Variants in TRAF5 observed in about 807,000 individuals in gnomAD.
TRAF5 encodes TNF receptor associated factor 5, also known as TNF receptor-associated factor 5.
Under a neutral mutation model 64.5 loss-of-function variants are expected in TRAF5, and 48 were observed. That is an observed-to-expected ratio of 0.74 (90% CI 0.59 to 0.95). TRAF5 has a LOEUF of 0.95. TRAF5 is among the 40% of genes least tolerant of loss of function. TRAF5 has a pLI of 0.00. For missense variants in TRAF5, 545 were observed against 662.8 expected (o/e 0.82, Z 1.95); for synonymous variants, 206 against 240.5 (o/e 0.86, Z 1.33).
rs756621423 is a variant in TRAF5 at position 211,372,403 on chromosome 1, C to A, written c.1375C>A (p.Leu459Met). 1.2e-6 allele frequency: 2 copies of A among 1,614,132 alleles called. No homozygotes were observed. The highest frequency in any genetic ancestry group is 1.7e-6 in the Non-Finnish European group (2 of 1,180,024). The change falls in exon 11 of 11, where the codon CTG becomes ATG. Residue 459 changes from leucine (L) to methionine (M), a missense_variant. Physicochemically the swap from Leu to Met is conservative, Grantham distance 15. Transcript: ENST00000261464. Reference protein sequence around the residue: ...NGDGSGRGSHLSLYFVVMRGE... With the variant: ...NGDGSGRGSHMSLYFVVMRGE... Reference sequence around the variant, plus strand: ...GGATGGGTCAGGGAGGGGGTCACACCTGTCCCTATACTTTGTGGTCATGCG... The same window carrying A: ...GGATGGGTCAGGGAGGGGGTCACACATGTCCCTATACTTTGTGGTCATGCG...
At chr1:211,360,889 C>G in intron 6 of TRAF5, 110 bp downstream of exon 6, 2 of 1,050,966 alleles carry the variant, frequency 1.9e-6, no homozygotes, top group Admixed American at 4.0e-5. Flanking sequence ...GCTTAAATTA[C>G]ACGCATGACC....
At chr1:211,326,713 C>T, upstream of TRAF5, 15 of 986,114 alleles carry the variant, frequency 1.5e-5, no homozygotes, top group Non-Finnish European at 1.8e-5. The surrounding 1 kb of genome is among the most constrained non-coding windows in gnomAD (Gnocchi z 5.0). Flanking sequence ...CGGTCTCAGC[C>T]TCCTCCCGAC....
intron 2 of TRAF5, 64 bp downstream of exon 2, chr1:211,353,521 C>A: frequency 6.7e-7 from 1 of 1,493,906 alleles, no homozygotes. Context: ...CAACTGTGGC[C>A]ACTCAACTGT....
At chr1:211,358,963 T>A (rs2102753721) in intron 4 of TRAF5, 1 of 151,698 alleles carries the variant, frequency 6.6e-6, no homozygotes, top group African/African-American at 2.4e-5. Flanking sequence ...AAAATAAAAT[T>A]TAAATAACTT....
intron 1 of TRAF5, among the ~76,000 whole-genome samples, chr1:211,334,315 T>C (rs942060748): frequency 6.6e-6 from 1 of 152,136 alleles, no homozygotes; most frequent in South Asian, 2.1e-4. Flanking sequence ...GATACCTTCA[T>C]CTAGCACATG....
rs1703596763 is a variant in TRAF5, at chr1:211,373,302, A to C, written c.*600A>C. On this transcript the variant is annotated 3_prime_UTR_variant, in exon 11 of 11. Coordinates refer to ENST00000261464, the MANE Select transcript of TRAF5 (RefSeq NM_001033910.3). ...TGCAAGCACAGTTTTGCAAGGCTGC[A>C]TAAGAACTGGTGAATGGGGTAAGCA... The C allele has an allele frequency of 6.6e-6, 1 of 152,416 alleles. No individual in the cohort carries two copies. The highest frequency in any genetic ancestry group is 1.5e-5 in the Non-Finnish European group (1 of 68,206). 9.4% of individuals were successfully genotyped at this position (152,416 alleles called of 1,614,324 possible). A position where few individuals can be genotyped will look rare whatever the true frequency, so the allele number is the denominator to read the frequency against.
intron 1 of TRAF5, among the ~76,000 whole-genome samples, chr1:211,329,426 C>T (rs551043987): frequency 6.6e-6 from 1 of 152,296 alleles, no homozygotes; most frequent in South Asian, 2.1e-4. Context: ...ATTAACTTCT[C>T]ACTACCTCCT....
At chr1:211,368,569 TAATG>T (rs150140811) in intron 8 of TRAF5, among the ~76,000 whole-genome samples, 6,070 of 152,142 alleles carry the variant, frequency 0.04, 157 homozygotes, top group Middle Eastern at 0.13. Flanking sequence ...AAGAGAGAAA[TAATG>T]AAGACTGAAA....
chr1:211,357,166 A>G (rs1171599612), intron 4 of TRAF5: 1 of 152,226 alleles, frequency 6.6e-6, no homozygotes, highest in African/African-American at 2.4e-5. Context: ...TCACACTGCA[A>G]GTGAACATGA....
intron 4 of TRAF5, chr1:211,357,631 A>G (rs1268266450): frequency 6.6e-6 from 1 of 151,780 alleles, no homozygotes; most frequent in Non-Finnish European, 1.5e-5. Context: ...TCTTACAGGT[A>G]GCAGAGTTTT....
chr1:211,364,695 A>ACAAG (rs1283141616), intron 7 of TRAF5, among the ~76,000 whole-genome samples: 9 of 150,840 alleles, frequency 6.0e-5, no homozygotes, highest in Admixed American at 5.3e-4. Flanking sequence ...CAAAAAACAA[A>ACAAG]CAAACAAACA....
chr1:211,349,051 A>AG (rs1443954119), intron 1 of TRAF5, among the ~76,000 whole-genome samples: 2 of 150,664 alleles, frequency 1.3e-5, no homozygotes, highest in African/African-American at 2.4e-5. Flanking sequence ...AAAAAAAAAA[A>AG]AAAAAAATTA....
intron 3 of TRAF5, among the ~76,000 whole-genome samples, 167 bp downstream of exon 3, chr1:211,354,634 G>A (rs946588469): frequency 6.6e-6 from 1 of 152,094 alleles, no homozygotes; most frequent in African/African-American, 2.4e-5. Context: ...CCCTGTTTGA[G>A]AGGCTTGTTT....
intron 1 of TRAF5, among the ~76,000 whole-genome samples, chr1:211,346,616 A>G (rs1702613846): frequency 6.6e-6 from 1 of 152,218 alleles, no homozygotes; most frequent in Non-Finnish European, 1.5e-5. Flanking sequence ...TCATTAATCC[A>G]AACTGGATGT....
At chr1:211,352,702 C>T (rs2102742118) in intron 1 of TRAF5, among the ~76,000 whole-genome samples, 1 of 152,216 alleles carries the variant, frequency 6.6e-6, no homozygotes, top group Admixed American at 6.5e-5. Context: ...TTATAAAGAA[C>T]AGAAATTTAT....
At chr1:211,369,815 G>C (rs1194775260) in intron 9 of TRAF5, among the ~76,000 whole-genome samples, 1 of 151,658 alleles carries the variant, frequency 6.6e-6, no homozygotes, top group Non-Finnish European at 1.5e-5. Context: ...CTCCTCCCCC[G>C]ACGTGTATGT....
At position 211,373,812 on chromosome 1, in the gene TRAF5, A is replaced by C. The variant is rs1256391444; in HGVS notation, c.*1110A>C. 6.6e-6 allele frequency: 1 copy of C among 152,220 alleles called. No homozygotes were observed. The highest frequency in any genetic ancestry group is 6.5e-5 in the Admixed American group (1 of 15,284). The allele number at this position is 152,220 out of a possible 1,614,324, so 9.4% of individuals were successfully genotyped here. Reference sequence around the variant, plus strand: ...CAGTGGCATGATCTCAGCTCACTGCAAACTCTGCCTCCCGAATTCAAGTGA... The same window carrying C: ...CAGTGGCATGATCTCAGCTCACTGCCAACTCTGCCTCCCGAATTCAAGTGA... On this transcript the variant is annotated 3_prime_UTR_variant, in exon 11 of 11. Coordinates refer to ENST00000261464, the MANE Select transcript of TRAF5 (RefSeq NM_001033910.3).
In TRAF5 at chr1:211,360,709, A is replaced by G; in HGVS notation, c.551A>G (p.Glu184Gly). The change falls in exon 6 of 11, where the codon GAG (glutamate) becomes GGG (glycine). Residue 184 changes from glutamate (E) to glycine (G), a missense_variant. Transcript: ENST00000261464. ...GCACTTTCTCTATTTCAGAATCATG[A>G]GGAAAACTTGTGTCCTGAATACCCA... Reference protein sequence around the residue: ...DVVVINLQNHEENLCPEYPVF... With the variant: ...DVVVINLQNHGENLCPEYPVF... 1 of 1,613,760 alleles carries G rather than the reference A, an allele frequency of 6.2e-7. No individual in the cohort carries two copies. The highest frequency in any genetic ancestry group is 8.5e-7 in the Non-Finnish European group (1 of 1,179,690).
At chr1:211,358,178 A>C (rs1393786740) in intron 4 of TRAF5, 1 of 152,176 alleles carries the variant, frequency 6.6e-6, no homozygotes, top group African/African-American at 2.4e-5. Context: ...GCCTGCTTTT[A>C]AACCTCTAGA....
Sources: allele counts gnomAD v4.1 joint callset (sites outside exome capture counted in the v4.1 genomes callset), GRCh38; gene constraint gnomAD v4.1.1; non-coding constraint Gnocchi (gnomAD v3.1); transcripts MANE v1.5; gene names NCBI Gene and HGNC (gene_info 2026-07-23, HGNC 2026-07-21).